Variants in DSCAM observed in about 807,000 individuals in gnomAD.
The protein encoded by DSCAM is cell adhesion molecule DSCAM.
In DSCAM, 47 loss-of-function variants were observed where a neutral mutation model predicts 217.7. That is an observed-to-expected ratio of 0.22 (90% confidence interval 0.17 to 0.28). The LOEUF is 0.28. Among genes scored for constraint, DSCAM ranks in the 10% least tolerant of loss-of-function variants. The pLI is 1.00. For synonymous variants in DSCAM, 1,056 were observed against 1,015.3 expected, an observed-to-expected ratio of 1.04 and a Z score of -0.76; for missense variants, 2,080 against 2,618.3, an observed-to-expected ratio of 0.79 and a Z score of 4.49.
chr21:40,473,718 G>A (rs1257757412), intron 3 of DSCAM, among the ~76,000 whole-genome samples: 1 of 152,136 alleles, frequency 6.6e-6, no homozygotes, highest in African/African-American at 2.4e-5. Context: ...ACAAAGGGGT[G>A]ATTAAGGTAA....
At chr21:40,238,158 A>G (rs2073103464) in intron 11 of DSCAM, among the ~76,000 whole-genome samples, 1 of 152,200 alleles carries the variant, frequency 6.6e-6, no homozygotes, top group African/African-American at 2.4e-5. Context: ...TAATACTCCA[A>G]AGAATCAACT....
intron 3 of DSCAM, among the ~76,000 whole-genome samples, chr21:40,441,770 T>C (rs2075632579): frequency 6.6e-6 from 1 of 152,306 alleles, no homozygotes; most frequent in East Asian, 1.9e-4. Flanking sequence ...TGGGCTTCTG[T>C]GCATGCATCT....
chr21:40,670,295 C>T (rs761063835), intron 3 of DSCAM, among the ~76,000 whole-genome samples: 3 of 152,280 alleles, frequency 2.0e-5, no homozygotes, highest in South Asian at 2.1e-4. Flanking sequence ...TGGTAACCAC[C>T]GTTCTAACTT....
At chr21:40,048,366 G>A (rs1242761752) in intron 30 of DSCAM, among the ~76,000 whole-genome samples, 1 of 152,200 alleles carries the variant, frequency 6.6e-6, no homozygotes, top group East Asian at 1.9e-4. Flanking sequence ...ACTGTGGCTG[G>A]TATGGGGATG....
At chr21:40,080,504 C>A (rs2089440208) in intron 24 of DSCAM, among the ~76,000 whole-genome samples, 164 bp from the exon 25 acceptor site, 1 of 152,156 alleles carries the variant, frequency 6.6e-6, no homozygotes. Context: ...TGTAACCCAG[C>A]CTGGGAGAAG....
intron 19 of DSCAM, among the ~76,000 whole-genome samples, chr21:40,127,627 T>G (rs1371257679): frequency 6.6e-6 from 1 of 152,204 alleles, no homozygotes; most frequent in Non-Finnish European, 1.5e-5. Flanking sequence ...TTGGCTGAGA[T>G]GTTTCACACG....
chr21:40,286,848 AGGTATC>A (rs1569042487), intron 10 of DSCAM, among the ~76,000 whole-genome samples: 25 of 149,872 alleles, frequency 1.7e-4, no homozygotes, highest in Admixed American at 1.4e-3. Context: ...TATGATCTGC[AGGTATC>A]TGCAGTGTGA....
At chr21:40,311,100 T>C (rs978031202) in intron 9 of DSCAM, among the ~76,000 whole-genome samples, 1 of 152,146 alleles carries the variant, frequency 6.6e-6, no homozygotes, top group African/African-American at 2.4e-5. Flanking sequence ...AAGAAGGACA[T>C]GAGAATCTCC....
chr21:40,312,850 C>T (rs2074154188), intron 8 of DSCAM, among the ~76,000 whole-genome samples: 1 of 152,144 alleles, frequency 6.6e-6, no homozygotes, highest in Non-Finnish European at 1.5e-5. Context: ...TGGTGGCTCA[C>T]ACCTGTAATC....
intron 1 of DSCAM, among the ~76,000 whole-genome samples, chr21:40,769,355 C>A (rs2091424656): frequency 6.6e-6 from 1 of 152,090 alleles, no homozygotes; most frequent in Non-Finnish European, 1.5e-5. Context: ...CACAGATGAC[C>A]CCAACCTCAA....
At chr21:40,031,965 C>T (rs1048741740) in intron 32 of DSCAM, among the ~76,000 whole-genome samples, 1 of 152,180 alleles carries the variant, frequency 6.6e-6, no homozygotes, top group Non-Finnish European at 1.5e-5. Context: ...CAGCCTCCAA[C>T]CTTGCCCCTA....
intron 3 of DSCAM, among the ~76,000 whole-genome samples, chr21:40,449,341 T>C (rs1203957336): frequency 6.6e-6 from 1 of 152,182 alleles, no homozygotes; most frequent in Non-Finnish European, 1.5e-5. Flanking sequence ...TCTATCACAA[T>C]ATTTTTATAT....
At chr21:40,573,700 ATG>A in intron 3 of DSCAM, among the ~76,000 whole-genome samples, 1 of 152,268 alleles carries the variant, frequency 6.6e-6, no homozygotes, top group Non-Finnish European at 1.5e-5. Context: ...AAAATTAACA[ATG>A]TGAGAAATTT....
intron 20 of DSCAM, among the ~76,000 whole-genome samples, chr21:40,096,957 G>T (rs399684): frequency 0.78 from 118,359 of 151,996 alleles, 46,325 homozygotes; most frequent in African/African-American, 0.83. Context: ...CAAAATGAAA[G>T]TGAATAAAGA....
At chr21:40,373,334 C>A (rs910996955) in intron 3 of DSCAM, among the ~76,000 whole-genome samples, 1 of 152,140 alleles carries the variant, frequency 6.6e-6, no homozygotes, top group Non-Finnish European at 1.5e-5. Flanking sequence ...CCAAGTGATG[C>A]ACCCATTCGT....
At chr21:40,440,717 C>CTGAGTCTTGGCTGTGTGTGACA (rs376984773) in intron 3 of DSCAM, among the ~76,000 whole-genome samples, 1 of 83,416 alleles carries the variant, frequency 1.2e-5, no homozygotes, top group Non-Finnish European at 2.5e-5. Context: ...AGGCCCAGGT[C>CTGAGTCTTGGCTGTGTGTGACA]TGAGTCTTGG....
intron 20 of DSCAM, among the ~76,000 whole-genome samples, chr21:40,106,889 C>T (rs1473712884): frequency 1.1e-5 from 1 of 93,260 alleles, no homozygotes. Flanking sequence ...AGCTAGTGGT[C>T]TATCTATTTT....
intron 9 of DSCAM, among the ~76,000 whole-genome samples, chr21:40,306,624 C>T (rs1450189061): frequency 6.6e-6 from 1 of 150,834 alleles, no homozygotes; most frequent in East Asian, 2.0e-4. Context: ...CCCATCAATA[C>T]CTAATTTATT....
At chr21:40,345,498 A>C (rs1042356655) in intron 6 of DSCAM, among the ~76,000 whole-genome samples, 4 of 152,126 alleles carry the variant, frequency 2.6e-5, no homozygotes, top group Non-Finnish European at 5.9e-5. Flanking sequence ...CCAGAACTGG[A>C]AACTTTTATT....
Sources: gnomAD v4.1 joint callset for allele counts (sites outside exome capture counted in the v4.1 genomes callset) on GRCh38, gnomAD v4.1.1 for gene constraint, MANE v1.5 for transcripts, NCBI Gene and HGNC (gene_info 2026-07-23, HGNC 2026-07-21) for gene names.